The following TENM2 variants were observed in gnomAD, a reference collection of about 807,000 sequenced individuals.
TENM2 encodes the protein teneurin-2.
TENM2 carries 52 observed loss-of-function variants against 245.2 expected under a neutral mutation model. The observed-to-expected ratio is 0.21, with a 90% CI of 0.17 to 0.27. The LOEUF is 0.27. Among genes scored for constraint, TENM2 ranks in the 10% least tolerant of loss-of-function variants. The probability of loss-of-function intolerance (pLI) is 1.00; values close to 1 mark genes in which losing one functional copy is unlikely to be tolerated. For missense variants in TENM2, 3,046 were observed against 3,666.8 expected (o/e 0.83, Z 4.37); for synonymous variants, 1,363 against 1,438.9 (o/e 0.95, Z 1.19).
At chr5:167,210,451 A>ATTTT in the TENM2 span, among the ~76,000 whole-genome samples, 67 of 101,218 alleles carry the variant, frequency 6.6e-4, no homozygotes, top group African/African-American at 1.9e-3. Context: ...TTTTCACTGC[A>ATTTT]TTTTTTTTTT....
At chr5:167,228,638 AT>A in the TENM2 span, among the ~76,000 whole-genome samples, 31,065 of 150,728 alleles carry the variant, frequency 0.21, 3,737 homozygotes, top group African/African-American at 0.33. Flanking sequence ...TATTTCCTTA[AT>A]TTTTTTCATG....
the TENM2 span, among the ~76,000 whole-genome samples, chr5:167,155,007 C>T: frequency 6.6e-6 from 1 of 152,188 alleles, no homozygotes; most frequent in Non-Finnish European, 1.5e-5. Flanking sequence ...CTAATTACAT[C>T]ATAACTACCT....
chr5:167,490,246 TATA>T (rs1340388754), intron 2 of TENM2, among the ~76,000 whole-genome samples: 1 of 152,180 alleles, frequency 6.6e-6, no homozygotes, highest in Admixed American at 6.5e-5. Flanking sequence ...ACACAATGCA[TATA>T]ATAAGTTTTT....
At chr5:167,931,285 A>G (rs527882892) in intron 3 of TENM2, among the ~76,000 whole-genome samples, 2 of 152,324 alleles carry the variant, frequency 1.3e-5, no homozygotes, top group South Asian at 4.1e-4. Flanking sequence ...AGCTTTTCTC[A>G]TCAGAAATGG....
the TENM2 span, among the ~76,000 whole-genome samples, chr5:167,016,025 C>T: frequency 6.6e-4 from 101 of 152,030 alleles, no homozygotes; most frequent in Middle Eastern, 3.4e-3. Context: ...GAGGCCAAGG[C>T]GGGCGGATCA....
At chr5:167,253,904 A>G in the TENM2 span, among the ~76,000 whole-genome samples, 6 of 152,116 alleles carry the variant, frequency 3.9e-5, no homozygotes, top group Non-Finnish European at 8.8e-5. Context: ...TGCTACAACT[A>G]TGACATCCAT....
chr5:167,694,850 A>T (rs151047929), intron 2 of TENM2, among the ~76,000 whole-genome samples: 1 of 152,302 alleles, frequency 6.6e-6, no homozygotes, highest in East Asian at 1.9e-4. Context: ...CAGAAAAAAA[A>T]ATTGTCATCA....
At chr5:168,222,828 T>G (rs1763785810) in intron 23 of TENM2, among the ~76,000 whole-genome samples, 1 of 152,198 alleles carries the variant, frequency 6.6e-6, no homozygotes, top group Non-Finnish European at 1.5e-5. Flanking sequence ...TTTGCCCTCT[T>G]CAGCTAGCAT....
intron 2 of TENM2, among the ~76,000 whole-genome samples, chr5:167,417,942 A>G (rs374495944): frequency 1.3e-5 from 2 of 152,094 alleles, no homozygotes; most frequent in Admixed American, 1.3e-4. Context: ...GCATTTTCAT[A>G]TTTGTTTTAC....
At chr5:167,023,330 G>GC in the TENM2 span, among the ~76,000 whole-genome samples, 1 of 152,166 alleles carries the variant, frequency 6.6e-6, no homozygotes, top group Non-Finnish European at 1.5e-5. Flanking sequence ...CTTGAATTAT[G>GC]CTTGACTTAA....
intron 1 of TENM2, among the ~76,000 whole-genome samples, chr5:167,373,357 G>A (rs1210796015): frequency 1.3e-5 from 2 of 152,228 alleles, no homozygotes; most frequent in African/African-American, 4.8e-5. Flanking sequence ...AGAGTGTCAA[G>A]TTACATCAAG....
intron 2 of TENM2, among the ~76,000 whole-genome samples, chr5:167,686,528 G>T (rs953656573): frequency 6.6e-6 from 1 of 152,142 alleles, no homozygotes; most frequent in African/African-American, 2.4e-5. Context: ...CTTTAAAAAT[G>T]GAAACGTTTA....
chr5:168,207,822 C>T (rs1762484925), intron 19 of TENM2, among the ~76,000 whole-genome samples: 1 of 152,188 alleles, frequency 6.6e-6, no homozygotes. Flanking sequence ...ATCCTTCCCC[C>T]TTCCTCCTTC....
At chr5:167,854,256 G>A (rs1377842122) in intron 2 of TENM2, among the ~76,000 whole-genome samples, 1 of 152,096 alleles carries the variant, frequency 6.6e-6, no homozygotes, top group African/African-American at 2.4e-5. Context: ...GGGCTTGCAA[G>A]AAAATCAGGT....
At position 167,718,794 on chromosome 5, in the gene TENM2, A is replaced by G. The variant is rs541819739; in HGVS notation, c.503-157192A>G. Among the ~76,000 whole-genome samples, 89 of 152,030 alleles carry G rather than the reference A, an allele frequency of 5.9e-4. 1 individual carries two copies. In the South Asian group the frequency reaches 0.017, roughly 29 times the overall value. ...TTGGATTTTTTTTTTTCTTTTCTTA[A>G]GAATTTACCGGTTCGGTGATCTCTG... On this transcript the variant is annotated intron_variant, in intron 2 of 28. Coordinates refer to ENST00000518659, the Ensembl canonical transcript of TENM2.
the TENM2 span, among the ~76,000 whole-genome samples, chr5:167,266,582 C>A: frequency 2.6e-5 from 4 of 152,152 alleles, no homozygotes; most frequent in African/African-American, 9.7e-5. Flanking sequence ...TGATCCAAAT[C>A]TAGGCTCTGC....
At chr5:167,216,951 C>G in the TENM2 span, among the ~76,000 whole-genome samples, 1 of 151,712 alleles carries the variant, frequency 6.6e-6, no homozygotes, top group Non-Finnish European at 1.5e-5. Context: ...ACCAGTGAAG[C>G]TTTATGAAAC....
At chr5:167,603,866 A>C (rs1776829944) in intron 2 of TENM2, among the ~76,000 whole-genome samples, 1 of 152,108 alleles carries the variant, frequency 6.6e-6, no homozygotes, top group Non-Finnish European at 1.5e-5. Context: ...ATAGAGTGAA[A>C]ATGAAAAATG....
At chr5:168,172,320 G>A (rs1447058761) in intron 13 of TENM2, among the ~76,000 whole-genome samples, 1 of 152,166 alleles carries the variant, frequency 6.6e-6, no homozygotes, top group Non-Finnish European at 1.5e-5. Flanking sequence ...CAGTGTCCAT[G>A]GGCCTGATTT....
Sources: allele counts gnomAD v4.1 joint callset (sites outside exome capture counted in the v4.1 genomes callset), GRCh38; gene constraint gnomAD v4.1.1; transcripts MANE v1.5; gene names NCBI Gene and HGNC (gene_info 2026-07-23, HGNC 2026-07-21).